The following ARHGAP15 variants were observed in gnomAD, a reference collection of about 807,000 sequenced individuals.
ARHGAP15 encodes the protein Rho GTPase activating protein 15, also known as rho GTPase-activating protein 15.
In ARHGAP15, 51 loss-of-function variants were observed where a neutral mutation model predicts 63.7. The ratio of observed to expected loss-of-function variants is 0.80; its 90% CI spans 0.64 to 1.01. The LOEUF (loss-of-function observed/expected upper bound fraction) is 1.01, where lower values mean the gene tolerates loss of function less well. Ranked by LOEUF, ARHGAP15 falls within the 50% of genes least tolerant of loss-of-function variation. The pLI, the probability that ARHGAP15 is intolerant of heterozygous loss-of-function variation, is 0.00. For missense variants in ARHGAP15, 560 were observed against 564.6 expected (o/e 0.99, Z 0.08); for synonymous variants, 191 against 193.8 (o/e 0.99, Z 0.12).
intron 6 of ARHGAP15, among the ~76,000 whole-genome samples, chr2:143,330,118 A>AAAAAAC (rs1684463417): frequency 1.6e-5 from 1 of 60,608 alleles, no homozygotes; most frequent in African/African-American, 7.7e-5. Context: ...AAAAAAAAAA[A>AAAAAAC]AAAAAAAAAA....
intron 5 of ARHGAP15, among the ~76,000 whole-genome samples, chr2:143,248,117 A>G (rs2104968916): frequency 6.6e-6 from 1 of 152,296 alleles, no homozygotes; most frequent in East Asian, 1.9e-4. Context: ...TATATATGTT[A>G]ATTTCAGTTA....
chr2:143,349,697 C>G (rs528228191), intron 6 of ARHGAP15, among the ~76,000 whole-genome samples: 2 of 152,260 alleles, frequency 1.3e-5, no homozygotes, highest in South Asian at 4.1e-4. Context: ...TGTAGCTTTT[C>G]CTGTGTTTCA....
intron 9 of ARHGAP15, among the ~76,000 whole-genome samples, chr2:143,513,104 A>G (rs1218453765): frequency 6.6e-6 from 1 of 152,224 alleles, no homozygotes; most frequent in Non-Finnish European, 1.5e-5. Context: ...AGCAAGTTTC[A>G]AGAGAGGCTA....
intron 6 of ARHGAP15, among the ~76,000 whole-genome samples, chr2:143,274,777 C>A (rs1208595890): frequency 6.6e-6 from 1 of 152,174 alleles, no homozygotes; most frequent in Admixed American, 6.5e-5. Context: ...TTCCCCAGGA[C>A]ACCTTGCCCA....
chr2:143,578,774 G>A (rs991266616), intron 11 of ARHGAP15, among the ~76,000 whole-genome samples: 10 of 152,022 alleles, frequency 6.6e-5, no homozygotes, highest in Admixed American at 3.9e-4. Flanking sequence ...TAGTTTTTAC[G>A]CATGGGCAAC....
chr2:143,448,410 G>A (rs1467228042), intron 8 of ARHGAP15, among the ~76,000 whole-genome samples: 1 of 152,094 alleles, frequency 6.6e-6, no homozygotes, highest in African/African-American at 2.4e-5. Context: ...GCAGAGATAG[G>A]TAGCACAGAG....
At chr2:143,624,305 C>T (rs1574724388) in intron 12 of ARHGAP15, 38 bp downstream of exon 12, 4 of 1,573,350 alleles carry the variant, frequency 2.5e-6, no homozygotes, top group South Asian at 2.3e-5. Context: ...GGTAGAATAA[C>T]CTGACATCCT....
chr2:143,586,059 T>C (rs548555893), intron 11 of ARHGAP15, among the ~76,000 whole-genome samples: 7 of 152,292 alleles, frequency 4.6e-5, no homozygotes, highest in South Asian at 2.1e-4. Flanking sequence ...AATATATCTA[T>C]ATTTAAATTT....
At chr2:143,379,525 G>GTGTGTT (rs1686970262) in intron 6 of ARHGAP15, among the ~76,000 whole-genome samples, 1 of 150,032 alleles carries the variant, frequency 6.7e-6, no homozygotes, top group Non-Finnish European at 1.5e-5. Flanking sequence ...GTGTGTGTGT[G>GTGTGTT]TGTGTGTATG....
At chr2:143,473,248 G>A (rs936900974) in intron 8 of ARHGAP15, among the ~76,000 whole-genome samples, 1 of 152,148 alleles carries the variant, frequency 6.6e-6, no homozygotes, top group Non-Finnish European at 1.5e-5. Context: ...GCCCACCTAA[G>A]CTCCATGTTT....
chr2:143,647,059 T>A lies in ARHGAP15; in HGVS notation c.1138+22792T>A, dbSNP rs577302616. ...CACAAAAAAAGTCAAAAAATAATTC[T>A]ACTCTGTGAATGAAAAATGGATATT... On this transcript the variant is annotated intron_variant, in intron 12 of 13. Coordinates refer to ENST00000295095, the MANE Select transcript of ARHGAP15 (RefSeq NM_018460.4). 1.7e-3 allele frequency among the ~76,000 whole-genome samples: 265 copies of A among 152,126 alleles called. 3 individuals carry two copies. The highest frequency in any genetic ancestry group is 6.2e-3 in the African/African-American group (259 of 41,536).
intron 6 of ARHGAP15, among the ~76,000 whole-genome samples, chr2:143,277,794 G>T (rs1007985563): frequency 1.3e-5 from 2 of 151,996 alleles, no homozygotes; most frequent in Admixed American, 6.6e-5. Flanking sequence ...TTCTGTAGGG[G>T]CCTTTTCCTG....
chr2:143,374,231 T>TA (rs1301208325), intron 6 of ARHGAP15, among the ~76,000 whole-genome samples: 1 of 152,142 alleles, frequency 6.6e-6, no homozygotes, highest in Non-Finnish European at 1.5e-5. Context: ...TTCCTAGTTT[T>TA]AAAAAATGGG....
intron 12 of ARHGAP15, among the ~76,000 whole-genome samples, chr2:143,688,272 T>G (rs1458563230): frequency 6.6e-6 from 1 of 152,196 alleles, no homozygotes; most frequent in Non-Finnish European, 1.5e-5. Context: ...GAAGTAAACA[T>G]TATGCCACTC....
At chr2:143,666,985 G>A (rs1574807608) in intron 12 of ARHGAP15, among the ~76,000 whole-genome samples, 2 of 142,022 alleles carry the variant, frequency 1.4e-5, no homozygotes, top group African/African-American at 5.3e-5. Context: ...CTGTAAACTA[G>A]TTCAACCATT....
intron 13 of ARHGAP15, among the ~76,000 whole-genome samples, chr2:143,753,101 T>G (rs1686442895): frequency 6.6e-6 from 1 of 152,218 alleles, no homozygotes; most frequent in African/African-American, 2.4e-5. Context: ...GCTATGATTG[T>G]GCCACTGCAC....
chr2:143,647,095 C>T (rs1361873724), intron 12 of ARHGAP15, among the ~76,000 whole-genome samples: 5 of 151,750 alleles, frequency 3.3e-5, no homozygotes, highest in Admixed American at 3.3e-4. Flanking sequence ...TGTACTTACC[C>T]TCATAAGCAT....
At chr2:143,579,274 T>A (rs552621382) in intron 11 of ARHGAP15, among the ~76,000 whole-genome samples, 2 of 152,142 alleles carry the variant, frequency 1.3e-5, no homozygotes, top group South Asian at 2.1e-4. Context: ...AATCAGAGAG[T>A]GTAAAGTTGC....
chr2:143,160,728 G>A (rs780368926), intron 2 of ARHGAP15, among the ~76,000 whole-genome samples: 3 of 151,966 alleles, frequency 2.0e-5, no homozygotes, highest in Non-Finnish European at 4.4e-5. Flanking sequence ...GCCCCTGGGA[G>A]AAGAAGATTC....
Sources: gnomAD v4.1 joint callset for allele counts (sites outside exome capture counted in the v4.1 genomes callset) on GRCh38, gnomAD v4.1.1 for gene constraint, MANE v1.5 for transcripts, NCBI Gene and HGNC (gene_info 2026-07-23, HGNC 2026-07-21) for gene names.